Variants in PDGFD observed in about 807,000 individuals in gnomAD.
The protein encoded by PDGFD is platelet derived growth factor D.
Under a neutral mutation model 44.7 loss-of-function variants are expected in PDGFD, and 30 were observed. The ratio of observed to expected loss-of-function variants is 0.67; its 90% CI spans 0.50 to 0.91. The LOEUF (loss-of-function observed/expected upper bound fraction) is 0.91. Among genes scored for constraint, PDGFD ranks in the 40% least tolerant of loss-of-function variants. The pLI is 0.00. For synonymous variants in PDGFD, 173 were observed against 168.4 expected, an observed-to-expected ratio of 1.03 and a Z score of -0.21; for missense variants, 445 against 457.8, an observed-to-expected ratio of 0.97 and a Z score of 0.25.
intron 1 of PDGFD, among the ~76,000 whole-genome samples, chr11:104,085,667 A>T (rs1274642899): frequency 6.6e-6 from 1 of 152,222 alleles, no homozygotes; most frequent in Non-Finnish European, 1.5e-5. Context: ...TGATATTTTC[A>T]AAATGAAAGA....
At position 104,101,014 on chromosome 11, in the gene PDGFD, T is replaced by G. The variant is rs556933990; in HGVS notation, c.124+62790A>C. ...AATATCATACTGAATGGGCAAAAAC[T>G]GGAAGCATTCCCTTTGAAAACTGGC... is the stretch of plus-strand genomic sequence containing the variant. On this transcript the variant is annotated intron_variant, in intron 1 of 6. Coordinates refer to ENST00000393158, the MANE Select transcript of PDGFD (RefSeq NM_025208.5). 1.4e-4 allele frequency among the ~76,000 whole-genome samples: 21 copies of G among 152,240 alleles called. No individual in the cohort carries two copies. In the East Asian group the frequency reaches 3.1e-3, roughly 22 times the overall value.
intron 5 of PDGFD, among the ~76,000 whole-genome samples, chr11:103,939,493 A>G (rs955627941): frequency 2.6e-5 from 4 of 152,152 alleles, no homozygotes; most frequent in Admixed American, 2.6e-4. Flanking sequence ...CAATCATGTC[A>G]TCTGCAAACA....
intron 1 of PDGFD, among the ~76,000 whole-genome samples, chr11:104,127,034 C>T (rs754246430): frequency 1.3e-5 from 2 of 152,036 alleles, no homozygotes; most frequent in Non-Finnish European, 2.9e-5. Context: ...TCTAGCAGCA[C>T]GAATCCCGTG....
At chr11:104,149,174 T>C (rs766770298) in intron 1 of PDGFD, among the ~76,000 whole-genome samples, 3 of 152,148 alleles carry the variant, frequency 2.0e-5, no homozygotes, top group Non-Finnish European at 4.4e-5. Flanking sequence ...ATCTTAAAAT[T>C]TGCAAATACC....
intron 1 of PDGFD, among the ~76,000 whole-genome samples, chr11:104,156,013 G>A (rs1361547983): frequency 6.6e-6 from 1 of 152,060 alleles, no homozygotes; most frequent in African/African-American, 2.4e-5. Context: ...TAATAACAAT[G>A]TACTATATTC....
intron 1 of PDGFD, among the ~76,000 whole-genome samples, chr11:104,109,083 G>A (rs928456364): frequency 6.6e-6 from 1 of 151,492 alleles, no homozygotes; most frequent in African/African-American, 2.4e-5. Flanking sequence ...GATAGCATTA[G>A]GAGACATACC....
At chr11:104,159,015 C>T (rs1243947017) in intron 1 of PDGFD, among the ~76,000 whole-genome samples, 2 of 148,432 alleles carry the variant, frequency 1.3e-5, no homozygotes, top group African/African-American at 2.5e-5. Context: ...TAGCCCGAGG[C>T]GGTGGTAGGC....
chr11:104,039,503 T>C (rs55966490), intron 1 of PDGFD, among the ~76,000 whole-genome samples: 11,378 of 152,194 alleles, frequency 0.075, 593 homozygotes, highest in Middle Eastern at 0.14. Context: ...CACCTCTTCC[T>C]TTCTAGCCAC....
chr11:104,024,689 A>G (rs1860015521), intron 1 of PDGFD, among the ~76,000 whole-genome samples: 1 of 152,222 alleles, frequency 6.6e-6, no homozygotes, highest in African/African-American at 2.4e-5. Flanking sequence ...TATGATGTTC[A>G]CACAATGATG....
intron 3 of PDGFD, among the ~76,000 whole-genome samples, chr11:103,958,626 T>G (rs945873537): frequency 2.0e-5 from 3 of 152,194 alleles, no homozygotes; most frequent in African/African-American, 7.2e-5. Context: ...TTTTTGTTTG[T>G]TTGGTTTGTT....
At chr11:104,007,362 G>A (rs1859719098) in intron 1 of PDGFD, among the ~76,000 whole-genome samples, 1 of 152,092 alleles carries the variant, frequency 6.6e-6, no homozygotes, top group African/African-American at 2.4e-5. Flanking sequence ...CCCAATAAAT[G>A]TATGTGATAA....
At chr11:104,134,583 C>G (rs1320937022) in intron 1 of PDGFD, among the ~76,000 whole-genome samples, 1 of 152,192 alleles carries the variant, frequency 6.6e-6, no homozygotes, top group Admixed American at 6.5e-5. Context: ...CATGCACTCA[C>G]TCATTCATTT....
chr11:104,040,561 C>T (rs1860330863), intron 1 of PDGFD, among the ~76,000 whole-genome samples: 1 of 151,994 alleles, frequency 6.6e-6, no homozygotes, highest in African/African-American at 2.4e-5. Flanking sequence ...TTGTCTTCTA[C>T]ATCAATCAGG....
At chr11:103,968,156 ATCTC>A (rs1409917872) in intron 3 of PDGFD, among the ~76,000 whole-genome samples, 1 of 151,896 alleles carries the variant, frequency 6.6e-6, no homozygotes, top group African/African-American at 2.4e-5. Flanking sequence ...TTCTCCTTTT[ATCTC>A]TCTATGTCTT....
rs114241835 is a variant in PDGFD, at chr11:104,114,565, T to C, written c.124+49239A>G. On this transcript the variant is annotated intron_variant, in intron 1 of 6. Coordinates refer to ENST00000393158, the MANE Select transcript of PDGFD (RefSeq NM_025208.5). The stretch of plus-strand genomic sequence containing the variant: ...TTTGTTTTCACATCCTTTAATATTG[T>C]ATTATCTCTTCACGGTCATTTATCT... Among the ~76,000 whole-genome samples the C allele has an allele frequency of 5.3e-3, 806 of 152,094 alleles. 7 individuals are homozygous for C. The highest frequency in any genetic ancestry group is 0.02 in the Middle Eastern group (6 of 294).
chr11:104,034,920 G>C (rs1259402198), intron 1 of PDGFD, among the ~76,000 whole-genome samples: 1 of 152,142 alleles, frequency 6.6e-6, no homozygotes. Flanking sequence ...GGGATTACAG[G>C]CATGAGCCAC....
At chr11:103,957,700 C>A (rs990417637) in intron 3 of PDGFD, among the ~76,000 whole-genome samples, 1 of 152,072 alleles carries the variant, frequency 6.6e-6, no homozygotes, top group Non-Finnish European at 1.5e-5. Flanking sequence ...AAGATTAGAG[C>A]AAATCCCAGT....
At chr11:104,121,337 C>T (rs1240197426) in intron 1 of PDGFD, among the ~76,000 whole-genome samples, 1 of 151,930 alleles carries the variant, frequency 6.6e-6, no homozygotes, top group South Asian at 2.1e-4. Context: ...CTAAGAACAT[C>T]TGTATTTGCT....
chr11:103,916,370 A>G (rs184315330), intron 6 of PDGFD, among the ~76,000 whole-genome samples: 4 of 152,382 alleles, frequency 2.6e-5, no homozygotes, highest in Non-Finnish European at 4.4e-5. Flanking sequence ...GAGAAATGCA[A>G]AACAAAACCA....
Sources: allele counts gnomAD v4.1 joint callset (sites outside exome capture counted in the v4.1 genomes callset), GRCh38; gene constraint gnomAD v4.1.1; transcripts MANE v1.5; gene names NCBI Gene and HGNC (gene_info 2026-07-23, HGNC 2026-07-21).